MALT1: variants seen among roughly 807,000 people sequenced by gnomAD.
MALT1 encodes MALT1 paracaspase, also known as mucosa-associated lymphoid tissue lymphoma translocation protein 1.
In MALT1, 36 loss-of-function variants were observed where a neutral mutation model predicts 85.5. That is an observed-to-expected ratio of 0.42 (90% confidence interval 0.32 to 0.56). The LOEUF (loss-of-function observed/expected upper bound fraction) is 0.56, where lower values mean the gene tolerates loss of function less well. Ranked by LOEUF, MALT1 falls within the 20% of genes least tolerant of loss-of-function variation. MALT1 has a pLI of 0.10. For synonymous variants in MALT1, 359 were observed against 361.3 expected, an observed-to-expected ratio of 0.99 and a Z score of 0.07; for missense variants, 716 against 981.6, an observed-to-expected ratio of 0.73 and a Z score of 3.62.
At chr18:58,708,560 G>T (rs995347848) in intron 4 of MALT1, among the ~76,000 whole-genome samples, 1 of 152,234 alleles carries the variant, frequency 6.6e-6, no homozygotes, top group African/African-American at 2.4e-5. Context: ...GTAGACATTT[G>T]TGTGGGGTGG....
chr18:58,735,438 G>A (rs1293356486), intron 13 of MALT1, 109 bp downstream of exon 13: 1 of 1,161,416 alleles, frequency 8.6e-7, no homozygotes, highest in Non-Finnish European at 1.2e-6. Context: ...ATGTGGGTTT[G>A]GAATTAGTAC....
Position 58,744,433 on chromosome 18 carries a change from A to G in MALT1, c.1849A>G (p.Ser617Gly). 6.2e-7 allele frequency: 1 copy of G among 1,606,696 alleles called. No individual in the cohort carries two copies. The highest frequency in any genetic ancestry group is 1.7e-5 in the Admixed American group (1 of 59,572). The change falls in exon 15 of 17, where the codon AGT becomes GGT. Residue 617 changes from serine (S) to glycine (G), a missense_variant. Coordinates refer to ENST00000649217, the MANE Select transcript of MALT1 (RefSeq NM_006785.4). ...TTCCAATGTCATGATCATCTATACA[A>G]GTATAGTTTACAAACCACCGGAGAT... is the stretch of plus-strand genomic sequence containing the variant. The part of the protein sequence containing the change: ...EFSNVMIIYT[S>G]IVYKPPEIIM...
At chr18:58,691,338 AT>A in intron 2 of MALT1, 1 of 858,920 alleles carries the variant, frequency 1.2e-6, no homozygotes, top group Non-Finnish European at 1.8e-6. Context: ...GGCCAAGATG[AT>A]CCTGTTTGCT....
rs559723528 is a variant in MALT1, at chr18:58,699,312, C to A, written c.499-1129C>A. On this transcript the variant is annotated intron_variant, in intron 3 of 16. Coordinates refer to ENST00000649217, the MANE Select transcript of MALT1 (RefSeq NM_006785.4). ...ACAGGAAGTTTGAGGAAAGAGTATA[C>A]ATCAATAGTCTAGAAGGAAAACACA... is the stretch of plus-strand genomic sequence containing the variant. 5.3e-5 allele frequency among the ~76,000 whole-genome samples: 8 copies of A among 152,286 alleles called. No individual in the cohort carries two copies. The South Asian group carries it at 1.7e-3, about 32-fold the overall frequency.
chr18:58,684,011 A>C (rs371511553), intron 2 of MALT1, among the ~76,000 whole-genome samples: 1 of 152,154 alleles, frequency 6.6e-6, no homozygotes, highest in East Asian at 1.9e-4. Flanking sequence ...GGCTCACTGC[A>C]ACTTCTGCCT....
intron 3 of MALT1, among the ~76,000 whole-genome samples, chr18:58,697,834 C>T (rs1413060260): frequency 3.3e-5 from 5 of 152,056 alleles, no homozygotes; most frequent in Non-Finnish European, 7.4e-5. Flanking sequence ...CTGTTTTGTG[C>T]CGGGCCATGT....
chr18:58,697,225 T>G (rs897758609), intron 3 of MALT1: 1 of 152,224 alleles, frequency 6.6e-6, no homozygotes, highest in African/African-American at 2.4e-5. Flanking sequence ...TAATTCAGCT[T>G]TCTTCCAAAC....
At chr18:58,746,035 G>GAAAAA (rs2055362434) in intron 16 of MALT1, among the ~76,000 whole-genome samples, 1 of 151,798 alleles carries the variant, frequency 6.6e-6, no homozygotes, top group East Asian at 1.9e-4. Flanking sequence ...TCTTTTTTTA[G>GAAAAA]AGACAGAGTC....
At chr18:58,677,552 T>A (rs1374032543) in intron 1 of MALT1, 1 of 152,200 alleles carries the variant, frequency 6.6e-6, no homozygotes, top group Admixed American at 6.5e-5. Context: ...AAATAAAATT[T>A]CACAAAATAA....
At chr18:58,743,217 A>C (rs1452334169) in intron 14 of MALT1, among the ~76,000 whole-genome samples, 1 of 152,162 alleles carries the variant, frequency 6.6e-6, no homozygotes, top group East Asian at 1.9e-4. Context: ...TCTACTAAAA[A>C]TACAAAAAAT....
chr18:58,689,151 C>CA (rs1301892876), intron 2 of MALT1, among the ~76,000 whole-genome samples: 151 of 143,620 alleles, frequency 1.1e-3, no homozygotes, highest in African/African-American at 3.9e-3. Flanking sequence ...GACCCTGTCT[C>CA]AAAAAAACAA....
In MALT1 at chr18:58,744,320, C is replaced by G. The variant is rs771200833; in HGVS notation, c.1754-18C>G. Reference sequence around the variant, plus strand: ...CATCAGAAAACCTACCAAAGTTGTTCTTATTGTTCTTTTTCAGAACTTCCA... The same window carrying G: ...CATCAGAAAACCTACCAAAGTTGTTGTTATTGTTCTTTTTCAGAACTTCCA... On this transcript the variant is annotated intron_variant, in intron 14 of 16. Transcript: ENST00000649217. 10 of 1,570,372 alleles carry G rather than the reference C, an allele frequency of 6.4e-6. No individual in the cohort carries two copies. The highest frequency in any genetic ancestry group is 5.5e-5 in the Admixed American group (3 of 54,638).
intron 2 of MALT1, among the ~76,000 whole-genome samples, chr18:58,688,100 G>A (rs1347865367): frequency 6.6e-6 from 1 of 152,108 alleles, no homozygotes; most frequent in African/African-American, 2.4e-5. Flanking sequence ...CTTCTCACTA[G>A]TGGGTGCTGC....
intron 1 of MALT1, chr18:58,675,299 A>G (rs2054223747): frequency 6.6e-6 from 1 of 152,234 alleles, no homozygotes; most frequent in Non-Finnish European, 1.5e-5. Flanking sequence ...GACCATGGAA[A>G]AACAGTCATT....
chr18:58,718,530 A>C (rs781315823), intron 9 of MALT1, among the ~76,000 whole-genome samples: 1 of 152,228 alleles, frequency 6.6e-6, no homozygotes, highest in East Asian at 1.9e-4. Context: ...GAATCTAACT[A>C]ATGCCTGATG....
rs1427680851 is a variant in MALT1 at position 58,752,518 on chromosome 18, C to T, written c.*4676C>T. 2 of 151,372 alleles carry T rather than the reference C, an allele frequency of 1.3e-5. No individual in the cohort carries two copies. The highest frequency in any genetic ancestry group is 4.9e-5 in the African/African-American group (2 of 41,148). The allele number at this position is 151,372 out of a possible 1,614,324, so 9.4% of individuals were successfully genotyped here. ...GAAACCCTGGGCATGGTGGCTCACA[C>T]CTGTAATCCCAGCACTTCGGGAGAC... On this transcript the variant is annotated 3_prime_UTR_variant, in exon 17 of 17. Coordinates refer to ENST00000649217, the MANE Select transcript of MALT1 (RefSeq NM_006785.4).
At chr18:58,678,992 A>T (rs942977652) in intron 1 of MALT1, among the ~76,000 whole-genome samples, 1 of 152,242 alleles carries the variant, frequency 6.6e-6, no homozygotes, top group Non-Finnish European at 1.5e-5. Flanking sequence ...AGATTATCTA[A>T]ACACTTTGGT....
intron 1 of MALT1, chr18:58,675,549 CTGCAG>C (rs1365722383): frequency 6.6e-6 from 1 of 152,188 alleles, no homozygotes; most frequent in Admixed American, 6.5e-5. Flanking sequence ...GAGTTCGAGG[CTGCAG>C]TGAGCCTCAA....
intron 10 of MALT1, among the ~76,000 whole-genome samples, chr18:58,727,280 T>C (rs1407220217): frequency 1.5e-5 from 2 of 129,080 alleles, no homozygotes; most frequent in Non-Finnish European, 3.4e-5. Flanking sequence ...TTTTTGGGTT[T>C]TTTTTTTGGT....
Sources: gnomAD v4.1 joint callset for allele counts (sites outside exome capture counted in the v4.1 genomes callset) on GRCh38, gnomAD v4.1.1 for gene constraint, MANE v1.5 for transcripts, NCBI Gene and HGNC (gene_info 2026-07-23, HGNC 2026-07-21) for gene names.